The following CDH13 variants were observed in gnomAD, a reference collection of about 807,000 sequenced individuals.
CDH13 encodes the protein cadherin 13, also known as cadherin-13.
In CDH13, 24 loss-of-function variants were observed where a neutral mutation model predicts 63.8. The observed-to-expected ratio is 0.38, with a 90% CI of 0.27 to 0.53. The LOEUF is 0.53. CDH13 is among the 20% of genes least tolerant of loss of function. CDH13 has a pLI of 0.85. For synonymous variants in CDH13, 503 were observed against 355.3 expected (o/e 1.42, Z -4.67); for missense variants, 1,049 against 903.1 (o/e 1.16, Z -2.07).
chr16:83,198,346 C>A (rs1351368615), intron 4 of CDH13, among the ~76,000 whole-genome samples: 1 of 152,088 alleles, frequency 6.6e-6, no homozygotes, highest in Non-Finnish European at 1.5e-5. Context: ...CACACACACA[C>A]ACACACAATC....
At chr16:83,132,436 C>G (rs2036093681) in intron 4 of CDH13, among the ~76,000 whole-genome samples, 1 of 90,912 alleles carries the variant, frequency 1.1e-5, no homozygotes, top group Non-Finnish European at 2.1e-5. Flanking sequence ...CCCCCACCCA[C>G]CCCCCAACAC....
chr16:83,533,705 C>T (rs1235313285), intron 7 of CDH13, among the ~76,000 whole-genome samples: 1 of 149,816 alleles, frequency 6.7e-6, no homozygotes, highest in Non-Finnish European at 1.5e-5. Context: ...ACTGCAACCT[C>T]CACCTCCTGG....
Position 83,019,256 on chromosome 16 carries a change from CTT to C in CDH13, c.158-12750_158-12749del, listed in dbSNP as rs1396152768. 2.0e-5 allele frequency among the ~76,000 whole-genome samples: 3 copies of C among 151,944 alleles called. No homozygotes were observed. The East Asian group carries it at 5.8e-4, about 29-fold the overall frequency. On this transcript the variant is annotated intron_variant, in intron 2 of 13. Coordinates refer to ENST00000567109, the MANE Select transcript of CDH13 (RefSeq NM_001257.5). Reference sequence around the variant, plus strand: ...ACCTTTCTATTTTTAAATGTTTTCTCTTTTTCTTTTTCACTTGTTGAACTTCT... The same window carrying C: ...ACCTTTCTATTTTTAAATGTTTTCTCTTTCTTTTTCACTTGTTGAACTTCT...
intron 11 of CDH13, among the ~76,000 whole-genome samples, chr16:83,748,773 C>A (rs1597171092): frequency 6.6e-6 from 1 of 152,184 alleles, no homozygotes; most frequent in African/African-American, 2.4e-5. Flanking sequence ...CATATGCCAG[C>A]CCCTGATTAG....
chr16:83,243,457 T>G (rs1367486915), intron 5 of CDH13, among the ~76,000 whole-genome samples: 2 of 152,118 alleles, frequency 1.3e-5, no homozygotes, highest in Non-Finnish European at 2.9e-5. Context: ...CCTACCCCCA[T>G]GATTCACTTA....
chr16:83,342,058 A>G (rs1037945765), intron 5 of CDH13, among the ~76,000 whole-genome samples: 5 of 150,214 alleles, frequency 3.3e-5, no homozygotes, highest in Non-Finnish European at 7.4e-5. Context: ...CTACCCAGTG[A>G]TGGAAATGTT....
intron 1 of CDH13, among the ~76,000 whole-genome samples, chr16:82,680,196 C>A (rs1597304599): frequency 6.6e-6 from 1 of 152,176 alleles, no homozygotes; most frequent in African/African-American, 2.4e-5. Flanking sequence ...CTGATAAAGA[C>A]CAAGAGAGGG....
chr16:83,316,015 G>C (rs979048880), intron 5 of CDH13, among the ~76,000 whole-genome samples: 2 of 152,192 alleles, frequency 1.3e-5, no homozygotes, highest in African/African-American at 4.8e-5. Flanking sequence ...CAGTTCTGCA[G>C]GGCTTAGGAG....
At chr16:83,428,936 A>G (rs2072002318) in intron 6 of CDH13, among the ~76,000 whole-genome samples, 1 of 152,222 alleles carries the variant, frequency 6.6e-6, no homozygotes, top group Non-Finnish European at 1.5e-5. Flanking sequence ...TTTAATAACC[A>G]ACTCTAGGGG....
intron 4 of CDH13, among the ~76,000 whole-genome samples, chr16:83,201,748 A>T (rs561097926): frequency 2.6e-5 from 4 of 151,548 alleles, no homozygotes; most frequent in Non-Finnish European, 2.9e-5. Flanking sequence ...AAAAATTAAA[A>T]AAAAAAAAAA....
chr16:82,932,571 C>T (rs2042534647), intron 2 of CDH13, among the ~76,000 whole-genome samples: 1 of 152,116 alleles, frequency 6.6e-6, no homozygotes, highest in Admixed American at 6.5e-5. Context: ...TGATCTAGCC[C>T]GTCCAGTGAG....
intron 2 of CDH13, among the ~76,000 whole-genome samples, chr16:82,925,462 A>G (rs2042274432): frequency 6.6e-6 from 1 of 152,188 alleles, no homozygotes; most frequent in African/African-American, 2.4e-5. Flanking sequence ...GTCAATCAGC[A>G]TTGCCCTGAC....
intron 2 of CDH13, among the ~76,000 whole-genome samples, chr16:82,887,526 G>T (rs1284658467): frequency 6.6e-6 from 1 of 152,096 alleles, no homozygotes; most frequent in African/African-American, 2.4e-5. Context: ...CATGTGGGGA[G>T]AGGATTAAAA....
intron 2 of CDH13, among the ~76,000 whole-genome samples, chr16:83,014,302 C>T (rs1310879294): frequency 7.4e-6 from 1 of 135,204 alleles, no homozygotes; most frequent in East Asian, 2.2e-4. Context: ...GGAGACAACT[C>T]TTAGAGCCCA....
chr16:83,483,400 T>C (rs2073817305), intron 6 of CDH13, among the ~76,000 whole-genome samples: 1 of 152,056 alleles, frequency 6.6e-6, no homozygotes, highest in South Asian at 2.1e-4. Flanking sequence ...TTATCCAACC[T>C]GTAAACAAAA....
intron 5 of CDH13, among the ~76,000 whole-genome samples, chr16:83,275,413 T>A (rs1257772774): frequency 6.6e-6 from 1 of 152,226 alleles, no homozygotes; most frequent in East Asian, 1.9e-4. Flanking sequence ...ATTAATTGAA[T>A]TCAGACAGTG....
chr16:83,069,099 A>G (rs1369473977), intron 3 of CDH13, among the ~76,000 whole-genome samples: 3 of 152,244 alleles, frequency 2.0e-5, no homozygotes, highest in Non-Finnish European at 4.4e-5. Context: ...CACTTATCCC[A>G]TAAAACATCT....
At chr16:82,794,400 T>A (rs1044323835) in intron 1 of CDH13, among the ~76,000 whole-genome samples, 1 of 123,186 alleles carries the variant, frequency 8.1e-6, no homozygotes, top group African/African-American at 2.5e-5. Flanking sequence ...GAAAGGAATT[T>A]TTTTTTCTTT....
At chr16:83,589,214 C>T (rs1054315417) in intron 7 of CDH13, among the ~76,000 whole-genome samples, 4 of 151,828 alleles carry the variant, frequency 2.6e-5, no homozygotes, top group Non-Finnish European at 5.9e-5. Flanking sequence ...AATGTCTCTC[C>T]TCGTCTCCCT....
Sources: gnomAD v4.1 joint callset for allele counts (sites outside exome capture counted in the v4.1 genomes callset) on GRCh38, gnomAD v4.1.1 for gene constraint, MANE v1.5 for transcripts, NCBI Gene and HGNC (gene_info 2026-07-23, HGNC 2026-07-21) for gene names.